The following RBPMS variants were observed in gnomAD, a reference collection of about 807,000 sequenced individuals.
The protein encoded by RBPMS is RNA-binding protein with multiple splicing.
A neutral mutation model predicts 26.8 loss-of-function variants in RBPMS; 7 were observed. The ratio of observed to expected loss-of-function variants is 0.26; its 90% confidence interval spans 0.15 to 0.49. RBPMS has a LOEUF of 0.49. RBPMS is among the 20% of genes least tolerant of loss of function. RBPMS has a pLI of 0.98. For missense variants in RBPMS, 186 were observed against 250.0 expected (o/e 0.74, Z 1.73); for synonymous variants, 96 against 93.3 (o/e 1.03, Z -0.17).
At chr8:30,461,026 C>T (rs978491275) in intron 1 of RBPMS, among the ~76,000 whole-genome samples, 32 of 149,428 alleles carry the variant, frequency 2.1e-4, no homozygotes, top group Non-Finnish European at 4.1e-4. Context: ...GCATTCCAGC[C>T]TGGGTGACAG....
intron 1 of RBPMS, among the ~76,000 whole-genome samples, chr8:30,416,315 G>A (rs1268820258): frequency 6.6e-6 from 1 of 152,028 alleles, no homozygotes; most frequent in Non-Finnish European, 1.5e-5. Context: ...TCATTGTTTT[G>A]TTGTTGTTGT....
rs189779334 is a variant in RBPMS at position 30,493,376 on chromosome 8, C to T, written c.247-10910C>T. On this transcript the variant is annotated intron_variant, in intron 4 of 8. Transcript: ENST00000397323. The stretch of plus-strand genomic sequence containing the variant: ...TATGCCAATGGGTTTATTCATTATC[C>T]TTACAGTGAGACAGGAGAGGAAAAG... 2.0e-3 allele frequency among the ~76,000 whole-genome samples: 303 copies of T among 152,224 alleles called. 2 individuals carry two copies. Among genetic ancestry groups the T allele is most frequent in the African/African-American group, 7.0e-3 (292 of 41,510 alleles).
rs1409981346 is a variant in RBPMS at position 30,572,201 on chromosome 8, T to C, written c.*1676T>C. ...AGTCTATTATGCTTTTATAACTGTT[T>C]AAAGGTACTTTTCTATTGTCATTTT... On this transcript the variant is annotated 3_prime_UTR_variant, in exon 9 of 9. Transcript: ENST00000397323. 1 of 152,234 alleles carries C rather than the reference T, an allele frequency of 6.6e-6. No individual in the cohort carries two copies. The highest frequency in any genetic ancestry group is 1.9e-4 in the East Asian group (1 of 5,198). The allele number at this position is 152,234 out of a possible 1,614,324, so 9.4% of individuals were successfully genotyped here. A position where few individuals can be genotyped will look rare whatever the true frequency, so the allele number is the denominator to read the frequency against.
intron 1 of RBPMS, among the ~76,000 whole-genome samples, chr8:30,457,579 C>T (rs1017314843): frequency 4.4e-4 from 54 of 122,604 alleles, no homozygotes; most frequent in African/African-American, 1.5e-3. Context: ...ATTTGATTTA[C>T]ATTCTTTTTT....
intron 1 of RBPMS, among the ~76,000 whole-genome samples, chr8:30,413,076 T>TTTTG (rs918717566): frequency 1.3e-5 from 2 of 152,092 alleles, no homozygotes; most frequent in Non-Finnish European, 2.9e-5. Context: ...TTGACATTGT[T>TTTTG]TTTGTTTGTT....
chr8:30,469,097 C>T (rs1477632599), intron 1 of RBPMS, among the ~76,000 whole-genome samples: 1 of 152,194 alleles, frequency 6.6e-6, no homozygotes, highest in East Asian at 1.9e-4. Flanking sequence ...CCAGATGTGG[C>T]TGCTAGTTGA....
chr8:30,447,995 A>G (rs890885785), intron 1 of RBPMS, among the ~76,000 whole-genome samples: 4 of 152,208 alleles, frequency 2.6e-5, no homozygotes, highest in Admixed American at 2.0e-4. Context: ...TCAGCAATCT[A>G]TAGTCCATCC....
At chr8:30,448,400 G>A (rs1312392800) in intron 1 of RBPMS, among the ~76,000 whole-genome samples, 1 of 152,120 alleles carries the variant, frequency 6.6e-6, no homozygotes, top group African/African-American at 2.4e-5. Flanking sequence ...TGCTCTTCCT[G>A]CCATTGGCTT....
At chr8:30,495,370 A>G (rs1311445638) in intron 4 of RBPMS, among the ~76,000 whole-genome samples, 1 of 151,852 alleles carries the variant, frequency 6.6e-6, no homozygotes, top group Non-Finnish European at 1.5e-5. Context: ...AGACTGTTCA[A>G]TTAGGCAATC....
intron 1 of RBPMS, among the ~76,000 whole-genome samples, chr8:30,425,479 C>G (rs933453618): frequency 2.6e-5 from 4 of 152,148 alleles, no homozygotes; most frequent in African/African-American, 9.7e-5. Flanking sequence ...TGACTCACAA[C>G]AACCTCCGCC....
At chr8:30,521,449 T>C (rs1192931962) in intron 5 of RBPMS, among the ~76,000 whole-genome samples, 3 of 152,196 alleles carry the variant, frequency 2.0e-5, no homozygotes, top group African/African-American at 7.2e-5. Context: ...GACTTTTTCG[T>C]TGTACGTTTA....
chr8:30,557,566 C>A (rs758237277), intron 6 of RBPMS, among the ~76,000 whole-genome samples: 2 of 152,166 alleles, frequency 1.3e-5, no homozygotes, highest in African/African-American at 4.8e-5. Context: ...GCCTCCCAGA[C>A]CCCCCTGCAC....
intron 5 of RBPMS, among the ~76,000 whole-genome samples, chr8:30,525,775 G>A (rs1189776397): frequency 6.6e-6 from 1 of 152,204 alleles, no homozygotes; most frequent in Non-Finnish European, 1.5e-5. Flanking sequence ...GGTAGGTGGC[G>A]GGTGTCAGGA....
intron 5 of RBPMS, among the ~76,000 whole-genome samples, chr8:30,525,520 C>T (rs911193677): frequency 1.3e-5 from 2 of 152,194 alleles, no homozygotes; most frequent in East Asian, 1.9e-4. Flanking sequence ...CACTGGCTTC[C>T]TCTCTGAAGT....
In RBPMS at chr8:30,454,525, ATTG is replaced by A. The variant is rs941963252; in HGVS notation, c.67-20248_67-20246del. On this transcript the variant is annotated intron_variant, in intron 1 of 8. Transcript: ENST00000397323. ...GAGTGTGCTTCAACCTCAGGGACAA[ATTG>A]TTGTTATTTAGAGAAATGAATTATG... Among the ~76,000 whole-genome samples the A allele has an allele frequency of 7.9e-4, 120 of 152,264 alleles. 1 individual carries two copies. Among genetic ancestry groups the A allele is most frequent in the African/African-American group, 2.6e-3 (107 of 41,564 alleles).
At position 30,435,532 on chromosome 8, in the gene RBPMS, G is replaced by C. The variant is rs555382694; in HGVS notation, c.67-39247G>C. 1.1e-4 allele frequency among the ~76,000 whole-genome samples: 17 copies of C among 152,326 alleles called. 1 individual carries two copies. The highest frequency in any genetic ancestry group is 3.8e-4 in the African/African-American group (16 of 41,576). ...CCAGTATTTTATGATACATGACATA[G>C]ATTCAAAGCCTTTTGCTACAATTTA... On this transcript the variant is annotated intron_variant, in intron 1 of 8. Transcript: ENST00000397323.
chr8:30,505,944 A>G (rs1015005396), intron 5 of RBPMS, among the ~76,000 whole-genome samples: 7 of 152,180 alleles, frequency 4.6e-5, no homozygotes, highest in African/African-American at 7.2e-5. Context: ...TGCCAGCCTC[A>G]GATCTCAGAG....
chr8:30,385,521 T>C, intron 1 of RBPMS: 1 of 181,138 alleles, frequency 5.5e-6, no homozygotes, highest in Non-Finnish European at 1.1e-5. Context: ...TGTGTATGGA[T>C]TCAGGGTCGG....
chr8:30,471,108 A>G (rs1338858909), intron 1 of RBPMS, among the ~76,000 whole-genome samples: 1 of 152,226 alleles, frequency 6.6e-6, no homozygotes, highest in Non-Finnish European at 1.5e-5. Context: ...AAATAAGCTA[A>G]TAAACATTAA....
Sources: gnomAD v4.1 joint callset for allele counts (sites outside exome capture counted in the v4.1 genomes callset) on GRCh38, gnomAD v4.1.1 for gene constraint, MANE v1.5 for transcripts, NCBI Gene and HGNC (gene_info 2026-07-23, HGNC 2026-07-21) for gene names.